CHST4: variants seen among roughly 807,000 people sequenced by gnomAD.
CHST4 encodes the protein GST-3.
For missense variants in CHST4, 466 were observed against 506.0 expected (o/e 0.92, Z 0.76); for synonymous variants, 171 against 195.5 (o/e 0.87, Z 1.05).
chr16:71,528,437 G>A (rs1449320266), intron 1 of CHST4, among the ~76,000 whole-genome samples: 2 of 152,028 alleles, frequency 1.3e-5, no homozygotes, highest in Non-Finnish European at 2.9e-5. Flanking sequence ...TGTTCCTTGA[G>A]CACCTACTAT....
intron 1 of CHST4, among the ~76,000 whole-genome samples, chr16:71,534,834 T>C (rs2043975798): frequency 6.6e-6 from 1 of 152,234 alleles, no homozygotes; most frequent in Non-Finnish European, 1.5e-5. Context: ...GGAGAATTTC[T>C]TGTGTACATG....
chr16:71,537,249 T>C lies in CHST4; in HGVS notation c.572T>C (p.Leu191Pro). The C allele has an allele frequency of 1.2e-6, 2 of 1,614,192 alleles. No individual in the cohort carries two copies. The highest frequency in any genetic ancestry group is 2.2e-5 in the South Asian group (2 of 91,090). The change falls in exon 2 of 2, where the codon CTG becomes CCG. Residue 191 changes from leucine (L) to proline (P), a missense_variant. Leu to Pro is a moderately conservative substitution (Grantham distance 98). Coordinates refer to ENST00000539698, the MANE Select transcript of CHST4 (RefSeq NM_001166395.2). The surrounding 1 kb of genome is among the most constrained non-coding windows in gnomAD (Gnocchi z 4.2). ...AACCTGCAGTCCCTCTACCCGCTGC[T>C]GAAAGACCCCTCCCTCAACCTGCAT... The part of the protein sequence containing the change: ...FFNLQSLYPL[L>P]KDPSLNLHIV...
chr16:71,526,611 GT>G (rs914686720), intron 1 of CHST4, 116 bp downstream of exon 1: 2 of 152,258 alleles, frequency 1.3e-5, no homozygotes, highest in African/African-American at 4.8e-5. Context: ...GGCGAAGGCG[GT>G]TTGCGCAGAG....
chr16:71,531,428 G>C (rs957221997), intron 1 of CHST4, among the ~76,000 whole-genome samples: 27 of 152,192 alleles, frequency 1.8e-4, no homozygotes, highest in Non-Finnish European at 4.4e-5. Context: ...CAGTGACAAG[G>C]GATGGGACTT....
At chr16:71,528,682 G>A (rs2043925135) in intron 1 of CHST4, among the ~76,000 whole-genome samples, 1 of 152,172 alleles carries the variant, frequency 6.6e-6, no homozygotes, top group South Asian at 2.1e-4. Flanking sequence ...CTACTTGTAA[G>A]GGGCATAATC....
At chr16:71,528,708 G>T (rs769924372) in intron 1 of CHST4, among the ~76,000 whole-genome samples, 1 of 152,192 alleles carries the variant, frequency 6.6e-6, no homozygotes, top group East Asian at 1.9e-4. Flanking sequence ...GGAAGTGTAA[G>T]TTAGGAATGC....
At chr16:71,531,615 G>C (rs954546567) in intron 1 of CHST4, among the ~76,000 whole-genome samples, 1 of 152,186 alleles carries the variant, frequency 6.6e-6, no homozygotes, top group African/African-American at 2.4e-5. Flanking sequence ...GCCAGCAGCA[G>C]TTGGCAGGCA....
At chr16:71,536,574 G>A (rs548331407) in intron 1 of CHST4, 86 bp from the exon 2 acceptor site, 6 of 974,556 alleles carry the variant, frequency 6.2e-6, no homozygotes, top group Non-Finnish European at 8.4e-6. Flanking sequence ...GGGGGTCAGA[G>A]AGCAGGTGGC....
chr16:71,536,892 T>C lies in CHST4; in HGVS notation c.215T>C (p.Met72Thr), dbSNP rs749802185. The change falls in exon 2 of 2, where the codon ATG (methionine) becomes ACG (threonine). Residue 72 changes from methionine to threonine, a missense_variant. Physicochemically the swap from Met to Thr is moderately conservative, Grantham distance 81. Coordinates refer to ENST00000539698, the MANE Select transcript of CHST4 (RefSeq NM_001166395.2). ...CAGCACCCAGATGTTTTCTACCTGATGGAGCCCGCCTGGCACGTGTGGATG... is the reference window on the plus strand; with the variant it reads ...CAGCACCCAGATGTTTTCTACCTGACGGAGCCCGCCTGGCACGTGTGGATG... ...FGQHPDVFYL[M>T]EPAWHVWMTF... The C allele has an allele frequency of 1.3e-6, 2 of 1,589,386 alleles. No homozygotes were observed. The highest frequency in any genetic ancestry group is 2.2e-5 in the East Asian group (1 of 44,552).
At position 71,537,891 on chromosome 16, in the gene CHST4, T is replaced by C; in HGVS notation, c.*53T>C. The stretch of plus-strand genomic sequence containing the variant: ...TGGTGTCAGCCTCAGTCACTTTCTC[T>C]GAATGCTTCTGAGCCTTGCCTACAT... On this transcript the variant is annotated 3_prime_UTR_variant, in exon 2 of 2. Transcript: ENST00000539698. This position sits in a 1 kb window ranked among gnomAD's most constrained non-coding sequence, Gnocchi z 4.2. 4 of 1,490,404 alleles carry C rather than the reference T, an allele frequency of 2.7e-6. No homozygotes were observed. Among genetic ancestry groups the C allele is most frequent in the Non-Finnish European group, 2.7e-6 (3 of 1,093,240 alleles). The allele number at this position is 1,490,404 out of a possible 1,614,324, so 92.3% of individuals were successfully genotyped here.
At chr16:71,532,695 A>ACTCT (rs1250346671) in intron 1 of CHST4, among the ~76,000 whole-genome samples, 1 of 151,894 alleles carries the variant, frequency 6.6e-6, no homozygotes, top group Non-Finnish European at 1.5e-5. Context: ...CCTAAAATCT[A>ACTCT]CTCTCACAGG....
chr16:71,531,806 G>A (rs1379581918), intron 1 of CHST4, among the ~76,000 whole-genome samples: 2 of 152,120 alleles, frequency 1.3e-5, no homozygotes, highest in Non-Finnish European at 2.9e-5. Flanking sequence ...ACTGTATACA[G>A]GATAAGTTCT....
chr16:71,527,297 A>G (rs1439070435), intron 1 of CHST4, among the ~76,000 whole-genome samples: 1 of 152,212 alleles, frequency 6.6e-6, no homozygotes. Context: ...AGACTCTGTG[A>G]CATATTTGAA....
Position 71,533,500 on chromosome 16 carries a change from G to C in CHST4, c.-18-3160G>C, listed in dbSNP as rs904978703. Among the ~76,000 whole-genome samples the C allele has an allele frequency of 2.0e-5, 3 of 151,664 alleles. No individual in the cohort carries two copies. In the East Asian group the frequency reaches 5.8e-4, roughly 29 times the overall value. On this transcript the variant is annotated intron_variant, in intron 1 of 1. Transcript: ENST00000539698. ...GTTGAGAAATGGGCAGGTGAGGTCA[G>C]GTGCTGGAAGTAGACTTTTCACTGT...
At chr16:71,532,762 T>A (rs1377550420) in intron 1 of CHST4, among the ~76,000 whole-genome samples, 1 of 152,352 alleles carries the variant, frequency 6.6e-6, no homozygotes, top group Middle Eastern at 3.4e-3. Flanking sequence ...GCTACCTTCA[T>A]ACATGTGTGA....
In CHST4 at chr16:71,537,795, T is replaced by C. The variant is rs1567583631; in HGVS notation, c.1118T>C (p.Leu373Pro). Residue 373 changes from leucine (L) to proline (P), a missense_variant, in exon 2 of 2, where the codon CTG (leucine) becomes CCG (proline). Physicochemically the swap from Leu to Pro is moderately conservative, Grantham distance 98. Coordinates refer to ENST00000539698, the MANE Select transcript of CHST4 (RefSeq NM_001166395.2). This position sits in a 1 kb window ranked among gnomAD's most constrained non-coding sequence, Gnocchi z 4.2. ...RSEQEQRNLLLDLLSTWTVPE... is the reference protein window; with the variant it reads ...RSEQEQRNLLPDLLSTWTVPE... ...GAACAAGAACAGAGAAACCTGTTGC[T>C]GGATCTTCTGTCTACCTGGACTGTC... The C allele has an allele frequency of 1.2e-6, 2 of 1,614,106 alleles. No individual in the cohort carries two copies. Among genetic ancestry groups the C allele is most frequent in the East Asian group, 2.2e-5 (1 of 44,878 alleles).
intron 1 of CHST4, among the ~76,000 whole-genome samples, chr16:71,536,343 T>G (rs1238002520): frequency 6.6e-6 from 1 of 152,232 alleles, no homozygotes; most frequent in African/African-American, 2.4e-5. Flanking sequence ...GGCACCATGA[T>G]GGAGACATTT....
intron 1 of CHST4, among the ~76,000 whole-genome samples, chr16:71,528,189 G>A (rs746772035): frequency 2.7e-5 from 4 of 148,184 alleles, no homozygotes; most frequent in Non-Finnish European, 4.4e-5. Flanking sequence ...AGTCGAGGTT[G>A]CAGTGAGCTG....
Position 71,534,362 on chromosome 16 carries a change from T to C in CHST4, c.-18-2298T>C, listed in dbSNP as rs558203423. ...AACATTTCTTTCTTTTTTTTTTTTT[T>C]TTTTTCTTTTTTGAGATGGAGTTTT... On this transcript the variant is annotated intron_variant, in intron 1 of 1. Transcript: ENST00000539698. Among the ~76,000 whole-genome samples the C allele has an allele frequency of 2.4e-4, 36 of 149,794 alleles. 1 individual carries two copies. In the East Asian group the frequency reaches 6.6e-3, roughly 28 times the overall value.
Sources: gnomAD v4.1 joint callset for allele counts (sites outside exome capture counted in the v4.1 genomes callset) on GRCh38, gnomAD v4.1.1 for gene constraint, Gnocchi (gnomAD v3.1) non-coding constraint, MANE v1.5 for transcripts, NCBI Gene and HGNC (gene_info 2026-07-23, HGNC 2026-07-21) for gene names.